ATRNL1: variants seen among roughly 807,000 people sequenced by gnomAD.
ATRNL1 encodes the protein attractin-like protein 1.
In ATRNL1, 95 loss-of-function variants were observed where a neutral mutation model predicts 182.7. The observed-to-expected ratio is 0.52, with a 90% CI of 0.44 to 0.62. The LOEUF is 0.62. Among genes scored for constraint, ATRNL1 ranks in the 20% least tolerant of loss-of-function variants. The pLI is 0.00. For synonymous variants in ATRNL1, 576 were observed against 568.3 expected (o/e 1.01, Z -0.19); for missense variants, 1,471 against 1,679.5 (o/e 0.88, Z 2.17).
At chr10:115,214,660 A>G (rs1236290278) in intron 8 of ATRNL1, among the ~76,000 whole-genome samples, 1 of 152,068 alleles carries the variant, frequency 6.6e-6, no homozygotes, top group Non-Finnish European at 1.5e-5. Flanking sequence ...AATGATGGAG[A>G]TGTGATCTAT....
intron 15 of ATRNL1, among the ~76,000 whole-genome samples, chr10:115,297,239 G>C (rs115403465): frequency 1.3e-5 from 2 of 152,144 alleles, no homozygotes. Flanking sequence ...ATGTGACAAG[G>C]TGTATTTGTA....
At chr10:115,521,882 A>G (rs1306442383) in intron 25 of ATRNL1, among the ~76,000 whole-genome samples, 1 of 152,224 alleles carries the variant, frequency 6.6e-6, no homozygotes, top group African/African-American at 2.4e-5. Context: ...GCTACTGCTA[A>G]ACTTTAGGAG....
intron 27 of ATRNL1, among the ~76,000 whole-genome samples, chr10:115,809,073 G>C (rs12784459): frequency 1.3e-4 from 19 of 151,542 alleles, no homozygotes; most frequent in Middle Eastern, 3.4e-3. Flanking sequence ...TAAGAATACC[G>C]AATTGTTCCA....
chr10:115,236,309 A>G (rs567907590), intron 9 of ATRNL1, among the ~76,000 whole-genome samples: 3 of 152,160 alleles, frequency 2.0e-5, no homozygotes, highest in African/African-American at 4.8e-5. Context: ...CTGTAGCTCT[A>G]CATATCTATC....
intron 19 of ATRNL1, among the ~76,000 whole-genome samples, chr10:115,358,239 G>GA (rs1415679791): frequency 3.3e-5 from 5 of 151,514 alleles, no homozygotes; most frequent in Admixed American, 3.3e-4. Context: ...CATAGGAAAA[G>GA]AAAAAAGAGA....
At chr10:115,788,283 A>G (rs1949444024) in intron 27 of ATRNL1, among the ~76,000 whole-genome samples, 1 of 152,176 alleles carries the variant, frequency 6.6e-6, no homozygotes, top group Non-Finnish European at 1.5e-5. Context: ...CATAGAATAG[A>G]TTTTTAAATT....
At chr10:115,341,268 A>G (rs112539312) in intron 19 of ATRNL1, among the ~76,000 whole-genome samples, 1,701 of 152,146 alleles carry the variant, frequency 0.011, 13 homozygotes, top group South Asian at 0.033. Flanking sequence ...TAGTTTCTTC[A>G]TTGACCCTCT....
At chr10:115,850,037 GT>G (rs1340394049) in intron 28 of ATRNL1, among the ~76,000 whole-genome samples, 6 of 152,092 alleles carry the variant, frequency 3.9e-5, no homozygotes, top group Non-Finnish European at 7.4e-5. Context: ...CTTGTTCTTT[GT>G]TTTCTAAAAA....
intron 26 of ATRNL1, among the ~76,000 whole-genome samples, chr10:115,715,993 A>C (rs984293253): frequency 5.3e-5 from 8 of 152,236 alleles, no homozygotes; most frequent in African/African-American, 1.4e-4. Context: ...TTCCAAGTAC[A>C]TAAGAAAGCC....
intron 26 of ATRNL1, among the ~76,000 whole-genome samples, chr10:115,661,713 A>G (rs188440965): frequency 2.2e-3 from 328 of 152,312 alleles, no homozygotes; most frequent in African/African-American, 7.3e-3. Flanking sequence ...AGTAATCTAG[A>G]TTCTATAATA....
chr10:115,550,804 G>A lies in ATRNL1; in HGVS notation c.3795+1268G>A, dbSNP rs185686203. ...AAGGAAAAATCATAATTATAGGCAGGTAGTGTGAAGGCCTTCCTTCCCTAA... is the reference window on the plus strand; with the variant it reads ...AAGGAAAAATCATAATTATAGGCAGATAGTGTGAAGGCCTTCCTTCCCTAA... On this transcript the variant is annotated intron_variant, in intron 26 of 28. Transcript: ENST00000355044. Among the ~76,000 whole-genome samples the A allele has an allele frequency of 1.8e-3, 275 of 151,836 alleles. 2 individuals are homozygous for A. The highest frequency in any genetic ancestry group is 4.5e-3 in the Admixed American group (68 of 15,228).
intron 26 of ATRNL1, among the ~76,000 whole-genome samples, chr10:115,618,681 T>G (rs781966478): frequency 2.0e-5 from 3 of 152,186 alleles, no homozygotes; most frequent in Non-Finnish European, 4.4e-5. Context: ...TGGATTTTTA[T>G]AATGATATCT....
At chr10:115,425,541 T>C (rs1160072732) in intron 20 of ATRNL1, among the ~76,000 whole-genome samples, 2 of 151,998 alleles carry the variant, frequency 1.3e-5, no homozygotes, top group African/African-American at 4.8e-5. Flanking sequence ...TTGAAAATAC[T>C]TATGATTTTC....
chr10:115,180,018 G>C (rs1847687323), intron 8 of ATRNL1, among the ~76,000 whole-genome samples: 1 of 151,888 alleles, frequency 6.6e-6, no homozygotes, highest in Non-Finnish European at 1.5e-5. Flanking sequence ...TGCTAACTCA[G>C]ACTCAACTTT....
At chr10:115,189,696 A>G (rs879983141) in intron 8 of ATRNL1, among the ~76,000 whole-genome samples, 1 of 152,162 alleles carries the variant, frequency 6.6e-6, no homozygotes, top group Non-Finnish European at 1.5e-5. Flanking sequence ...TAAAAAGTTT[A>G]TAAGTAAAAA....
chr10:115,575,115 T>C (rs1043681563), intron 26 of ATRNL1, among the ~76,000 whole-genome samples: 3 of 152,134 alleles, frequency 2.0e-5, no homozygotes, highest in Non-Finnish European at 4.4e-5. Flanking sequence ...ATCCCAAGAA[T>C]TTATAAAATA....
chr10:115,819,319 G>A (rs1161334286), intron 27 of ATRNL1, among the ~76,000 whole-genome samples: 1 of 151,940 alleles, frequency 6.6e-6, no homozygotes, highest in Non-Finnish European at 1.5e-5. Context: ...CCCCCCTCCA[G>A]TAATACTTGA....
At chr10:115,371,731 C>T (rs1413543338) in intron 19 of ATRNL1, among the ~76,000 whole-genome samples, 2 of 152,124 alleles carry the variant, frequency 1.3e-5, no homozygotes, top group African/African-American at 4.8e-5. Flanking sequence ...TCAGTTAATG[C>T]TGAAATGAGT....
rs192128772 is a variant in ATRNL1, at chr10:115,633,186, C to T, written c.3795+83650C>T. On this transcript the variant is annotated intron_variant, in intron 26 of 28. Coordinates refer to ENST00000355044, the MANE Select transcript of ATRNL1 (RefSeq NM_207303.4). ...TCGGCCACCCAAAGTGCTGGGATTA[C>T]AGGCGTGAGCCACTACACCTGGCCT... Among the ~76,000 whole-genome samples, 3 of 152,322 alleles carry T rather than the reference C, an allele frequency of 2.0e-5. No individual in the cohort carries two copies. In the East Asian group the frequency reaches 5.8e-4, roughly 29 times the overall value.
Sources: allele counts gnomAD v4.1 joint callset (sites outside exome capture counted in the v4.1 genomes callset), GRCh38; gene constraint gnomAD v4.1.1; transcripts MANE v1.5; gene names NCBI Gene and HGNC (gene_info 2026-07-23, HGNC 2026-07-21).